Variants in GPC5 observed in about 807,000 individuals in gnomAD.
GPC5 encodes glypican-5.
GPC5 carries 47 observed loss-of-function variants against 53.9 expected under a neutral mutation model. That is an observed-to-expected ratio of 0.87 (90% confidence interval 0.69 to 1.11). The LOEUF (loss-of-function observed/expected upper bound fraction) is 1.11, where lower values mean the gene tolerates loss of function less well. Ranked by LOEUF, GPC5 falls within the 50% of genes most tolerant of loss-of-function variation. The pLI, the probability that GPC5 is intolerant of heterozygous loss-of-function variation, is 0.00. For synonymous variants in GPC5, 286 were observed against 263.3 expected, an observed-to-expected ratio of 1.09 and a Z score of -0.84; for missense variants, 748 against 713.1, an observed-to-expected ratio of 1.05 and a Z score of -0.56.
chr13:92,835,184 A>G (rs1328935027), intron 7 of GPC5, among the ~76,000 whole-genome samples: 2 of 152,028 alleles, frequency 1.3e-5, no homozygotes, highest in Admixed American at 1.3e-4. Flanking sequence ...CTAGGTTCTT[A>G]TTTTAATATT....
chr13:92,468,011 T>A (rs1403442802), intron 7 of GPC5, among the ~76,000 whole-genome samples: 1 of 152,098 alleles, frequency 6.6e-6, no homozygotes, highest in African/African-American at 2.4e-5. Flanking sequence ...AAATTGAAAT[T>A]AATGTTTCTA....
chr13:91,713,597 C>A (rs1279169450), intron 3 of GPC5, among the ~76,000 whole-genome samples: 1 of 152,136 alleles, frequency 6.6e-6, no homozygotes, highest in Non-Finnish European at 1.5e-5. Flanking sequence ...GGTTCAGTTA[C>A]CACCTTGTTT....
intron 6 of GPC5, among the ~76,000 whole-genome samples, chr13:92,144,069 T>C (rs1038957237): frequency 2.6e-5 from 4 of 152,164 alleles, no homozygotes; most frequent in Non-Finnish European, 4.4e-5. Flanking sequence ...TTAAGTGAAA[T>C]ATTCTATTTA....
intron 7 of GPC5, among the ~76,000 whole-genome samples, chr13:92,802,315 T>C (rs1876935489): frequency 6.6e-6 from 1 of 151,884 alleles, no homozygotes. Context: ...ATGACGTTCA[T>C]ACAACGATTA....
intron 7 of GPC5, among the ~76,000 whole-genome samples, chr13:92,862,932 T>C (rs986060034): frequency 6.6e-6 from 1 of 152,068 alleles, no homozygotes; most frequent in Non-Finnish European, 1.5e-5. Flanking sequence ...ATACCCACAC[T>C]CTCCTGCCTC....
intron 6 of GPC5, among the ~76,000 whole-genome samples, chr13:91,981,505 G>C (rs879317151): frequency 1.1e-4 from 16 of 152,116 alleles, no homozygotes; most frequent in Non-Finnish European, 7.3e-5. Context: ...TAGCCAGGAT[G>C]GTCTCGATCT....
intron 7 of GPC5, among the ~76,000 whole-genome samples, chr13:92,854,506 C>A (rs1036618360): frequency 1.3e-5 from 2 of 151,402 alleles, no homozygotes; most frequent in East Asian, 3.9e-4. Flanking sequence ...AAAATATCAG[C>A]GATTTTACTA....
intron 2 of GPC5, among the ~76,000 whole-genome samples, chr13:91,472,023 A>G (rs1165356599): frequency 6.6e-6 from 1 of 152,126 alleles, no homozygotes; most frequent in African/African-American, 2.4e-5. Context: ...AATGTCCTCT[A>G]TAATCTCTAT....
intron 5 of GPC5, 54 bp from the exon 6 acceptor site, chr13:91,907,883 C>T: frequency 1.9e-6 from 3 of 1,563,838 alleles, no homozygotes; most frequent in Non-Finnish European, 2.6e-6. Flanking sequence ...ATAGCTGTGA[C>T]AGATAATACC....
chr13:91,788,404 T>C (rs1038868090), intron 5 of GPC5, among the ~76,000 whole-genome samples: 1 of 152,150 alleles, frequency 6.6e-6, no homozygotes, highest in African/African-American at 2.4e-5. Flanking sequence ...CTTCAACATA[T>C]GAATATTGGG....
At chr13:92,512,874 G>A (rs1270611434) in intron 7 of GPC5, among the ~76,000 whole-genome samples, 2 of 152,140 alleles carry the variant, frequency 1.3e-5, no homozygotes, top group South Asian at 2.1e-4. Flanking sequence ...CTAGTAATAG[G>A]AGTAGCTACA....
chr13:92,337,475 C>T (rs1161358307), intron 7 of GPC5, among the ~76,000 whole-genome samples: 1 of 151,930 alleles, frequency 6.6e-6, no homozygotes, highest in Non-Finnish European at 1.5e-5. Context: ...TACACAGTAG[C>T]CATATTGAAG....
chr13:92,648,732 AGATT>A (rs2139162317), intron 7 of GPC5, among the ~76,000 whole-genome samples: 1 of 152,284 alleles, frequency 6.6e-6, no homozygotes, highest in East Asian at 1.9e-4. Flanking sequence ...TTCTATACAT[AGATT>A]AAAACATTGA....
At chr13:91,571,833 A>ACG (rs760181408) in intron 2 of GPC5, among the ~76,000 whole-genome samples, 1,297 of 84,688 alleles carry the variant, frequency 0.015, 59 homozygotes, top group Non-Finnish European at 0.02. Context: ...ATATATACAC[A>ACG]TATACTTGTG....
At chr13:91,487,044 T>G (rs1239507961) in intron 2 of GPC5, among the ~76,000 whole-genome samples, 2 of 152,204 alleles carry the variant, frequency 1.3e-5, no homozygotes, top group East Asian at 1.9e-4. Context: ...AATCGAGCTT[T>G]GATTCAGGCT....
chr13:92,812,609 G>A (rs531723061), intron 7 of GPC5, among the ~76,000 whole-genome samples: 3 of 151,772 alleles, frequency 2.0e-5, no homozygotes, highest in Non-Finnish European at 4.4e-5. Flanking sequence ...AAGTTCTATC[G>A]AAGGCAACTA....
intron 2 of GPC5, among the ~76,000 whole-genome samples, chr13:91,455,303 C>A (rs961434487): frequency 6.6e-6 from 1 of 151,886 alleles, no homozygotes; most frequent in Admixed American, 6.6e-5. Context: ...GTAGCAAAAC[C>A]AATTGAAACT....
chr13:91,587,873 A>G lies in GPC5; in HGVS notation c.326-105314A>G, dbSNP rs117785064. Among the ~76,000 whole-genome samples, 143 of 152,254 alleles carry G rather than the reference A, an allele frequency of 9.4e-4. 2 individuals carry two copies. Among genetic ancestry groups the G allele is most frequent in the Non-Finnish European group, 1.6e-3 (112 of 67,984 alleles). ...GTGTGAATGAAGTCTAACACTTTTG[A>G]GAGATCATTGTTTATCAAATGTCTC... On this transcript the variant is annotated intron_variant, in intron 2 of 7. Transcript: ENST00000377067.
At chr13:92,690,362 C>T (rs1348048277) in intron 7 of GPC5, among the ~76,000 whole-genome samples, 2 of 92,544 alleles carry the variant, frequency 2.2e-5, no homozygotes, top group Non-Finnish European at 4.0e-5. Flanking sequence ...ATCGCATCAG[C>T]TCCTGAGGCT....
Sources: allele counts gnomAD v4.1 joint callset (sites outside exome capture counted in the v4.1 genomes callset), GRCh38; gene constraint gnomAD v4.1.1; transcripts MANE v1.5; gene names NCBI Gene and HGNC (gene_info 2026-07-23, HGNC 2026-07-21).